The following NRP1 variants were observed in gnomAD, a reference collection of about 807,000 sequenced individuals.
NRP1 encodes the protein neuropilin-1.
A neutral mutation model predicts 106.7 loss-of-function variants in NRP1; 35 were observed. The observed-to-expected ratio is 0.33, with a 90% CI of 0.25 to 0.43. The LOEUF is 0.43. Ranked by LOEUF, NRP1 falls within the 20% of genes least tolerant of loss-of-function variation. The probability of loss-of-function intolerance (pLI) is 1.00; values close to 1 mark genes in which losing one functional copy is unlikely to be tolerated. For missense variants in NRP1, 1,024 were observed against 1,170.4 expected, an observed-to-expected ratio of 0.87 and a Z score of 1.83; for synonymous variants, 437 against 417.9, an observed-to-expected ratio of 1.05 and a Z score of -0.56.
chr10:33,305,961 G>A (rs796539115), intron 2 of NRP1, among the ~76,000 whole-genome samples: 23 of 152,074 alleles, frequency 1.5e-4, no homozygotes, highest in African/African-American at 5.5e-4. Flanking sequence ...TAGAGATGGG[G>A]TTTCACCATG....
At chr10:33,247,039 A>C (rs187902646) in intron 6 of NRP1, among the ~76,000 whole-genome samples, 26 of 152,342 alleles carry the variant, frequency 1.7e-4, no homozygotes, top group African/African-American at 6.3e-4. Context: ...ATCTGTCCAG[A>C]AAGTTTAAGA....
At chr10:33,260,916 G>A (rs186583698) in intron 4 of NRP1, among the ~76,000 whole-genome samples, 2 of 136,580 alleles carry the variant, frequency 1.5e-5, no homozygotes, top group East Asian at 4.7e-4. Context: ...AAGACTAAAA[G>A]CAATCTTGTT....
chr10:33,269,793 G>T (rs1843170095), intron 3 of NRP1, among the ~76,000 whole-genome samples: 1 of 152,190 alleles, frequency 6.6e-6, no homozygotes, highest in Non-Finnish European at 1.5e-5. Context: ...AACTGTGTGT[G>T]CAAGAAATCC....
At chr10:33,237,487 GCA>G (rs111698441) in intron 6 of NRP1, among the ~76,000 whole-genome samples, 13,941 of 144,432 alleles carry the variant, frequency 0.097, 943 homozygotes, top group African/African-American at 0.2. Flanking sequence ...ACATGCGCGC[GCA>G]CACACACACA....
chr10:33,189,796 A>G (rs778461094), intron 13 of NRP1, among the ~76,000 whole-genome samples: 6 of 152,216 alleles, frequency 3.9e-5, no homozygotes, highest in Non-Finnish European at 8.8e-5. Flanking sequence ...AAATAATATT[A>G]TAAAAAAAGC....
chr10:33,293,537 C>CA (rs1564462192), intron 2 of NRP1, among the ~76,000 whole-genome samples: 1 of 152,176 alleles, frequency 6.6e-6, no homozygotes, highest in Non-Finnish European at 1.5e-5. Context: ...GATAAGGAAA[C>CA]AGAGCCCCCC....
intron 13 of NRP1, among the ~76,000 whole-genome samples, chr10:33,189,277 T>C (rs1420113283): frequency 3.9e-5 from 6 of 152,190 alleles, no homozygotes; most frequent in African/African-American, 1.4e-4. Flanking sequence ...CCCAAAGTCA[T>C]GCACACTCTG....
intron 6 of NRP1, chr10:33,249,646 A>G (rs1486974701): frequency 2.8e-6 from 1 of 360,228 alleles, no homozygotes; most frequent in Non-Finnish European, 5.5e-6. Flanking sequence ...AATAATCTGG[A>G]AAAAAAGGCA....
In NRP1 at chr10:33,203,005, G is replaced by T; in HGVS notation, c.1760-10C>A. The T allele has an allele frequency of 6.2e-7, 1 of 1,605,454 alleles. No individual in the cohort carries two copies. The highest frequency in any genetic ancestry group is 1.3e-5 in the African/African-American group (1 of 74,904). Reference sequence around the variant, plus strand: ...GGTCCAGCTGTAGGGGCTGAAACAAGATCCAAGGATTATTATCTCACACCT... The same window carrying T: ...GGTCCAGCTGTAGGGGCTGAAACAATATCCAAGGATTATTATCTCACACCT... On this transcript the variant is annotated splice_polypyrimidine_tract_variant and intron_variant, in intron 10 of 16. Transcript: ENST00000374867.
intron 11 of NRP1, among the ~76,000 whole-genome samples, chr10:33,198,660 G>A (rs879894572): frequency 1.8e-4 from 27 of 152,012 alleles, no homozygotes; most frequent in Non-Finnish European, 2.4e-4. Context: ...GCTTCAAATC[G>A]TTTTCCAAGG....
chr10:33,323,826 G>A (rs993036180), intron 2 of NRP1, among the ~76,000 whole-genome samples: 12 of 152,094 alleles, frequency 7.9e-5, no homozygotes, highest in African/African-American at 2.7e-4. Flanking sequence ...TTGTGTGTGC[G>A]CTTCTGTGGA....
At chr10:33,240,265 G>GTTCCT (rs2133068875) in intron 6 of NRP1, among the ~76,000 whole-genome samples, 1 of 152,286 alleles carries the variant, frequency 6.6e-6, no homozygotes, top group African/African-American at 2.4e-5. Flanking sequence ...AAAAGACTAG[G>GTTCCT]AAAGTATTAA....
chr10:33,246,916 A>G (rs1407921450), intron 6 of NRP1, among the ~76,000 whole-genome samples: 1 of 152,188 alleles, frequency 6.6e-6, no homozygotes, highest in Non-Finnish European at 1.5e-5. Flanking sequence ...TTCTGAATAC[A>G]ACACTATGGA....
intron 3 of NRP1, among the ~76,000 whole-genome samples, chr10:33,267,296 A>C (rs1842987810): frequency 6.6e-6 from 1 of 152,196 alleles, no homozygotes; most frequent in African/African-American, 2.4e-5. Flanking sequence ...GGAGATGAGA[A>C]TACAACACAG....
chr10:33,184,684 A>G (rs1205668707), intron 15 of NRP1, among the ~76,000 whole-genome samples: 1 of 152,226 alleles, frequency 6.6e-6, no homozygotes, highest in Non-Finnish European at 1.5e-5. Context: ...AATAGTATGA[A>G]GAAGCAAGCC....
chr10:33,221,810 T>C lies in NRP1; in HGVS notation c.1191A>G (p.Lys397=). Reference sequence around the variant, plus strand: ...TTCGGACAAATCGAGTTATCAGTGGTTTGGGGAATACTGCAACCACAACAT... The same window carrying C: ...TTCGGACAAATCGAGTTATCAGTGGCTTGGGGAATACTGCAACCACAACAT... The part of the protein sequence containing the change: ...PTDVVVAVFP[K]PLITRFVRIK... Residue 397 remains lysine (K), a synonymous_variant, in exon 8 of 17, where the codon AAA becomes AAG. Transcript: ENST00000374867. 1 of 1,614,106 alleles carries C rather than the reference T, an allele frequency of 6.2e-7. No individual in the cohort carries two copies. The highest frequency in any genetic ancestry group is 8.5e-7 in the Non-Finnish European group (1 of 1,179,970).
chr10:33,279,905 C>A (rs1250568005), intron 2 of NRP1, among the ~76,000 whole-genome samples: 1 of 152,166 alleles, frequency 6.6e-6, no homozygotes, highest in African/African-American at 2.4e-5. Context: ...ATCATAGTGA[C>A]TGTCGGTTTG....
At chr10:33,301,182 A>C (rs1845776036) in intron 2 of NRP1, among the ~76,000 whole-genome samples, 1 of 152,110 alleles carries the variant, frequency 6.6e-6, no homozygotes, top group Non-Finnish European at 1.5e-5. Flanking sequence ...AGTCCAGAGG[A>C]GCAGAGTTTG....
intron 2 of NRP1, among the ~76,000 whole-genome samples, chr10:33,307,045 ATTC>A (rs1339764348): frequency 3.3e-5 from 5 of 152,228 alleles, no homozygotes; most frequent in Admixed American, 6.5e-5. Context: ...TGACAGGCTG[ATTC>A]ATAGCTTCCT....
Sources: allele counts gnomAD v4.1 joint callset (sites outside exome capture counted in the v4.1 genomes callset), GRCh38; gene constraint gnomAD v4.1.1; transcripts MANE v1.5; gene names NCBI Gene and HGNC (gene_info 2026-07-23, HGNC 2026-07-21).